Variants in PKNOX2 observed in about 807,000 individuals in gnomAD.
PKNOX2 encodes PBX/knotted 1 homeobox 2, also known as homeobox protein PKNOX2.
Under a neutral mutation model 53.1 loss-of-function variants are expected in PKNOX2, and 14 were observed. That is an observed-to-expected ratio of 0.26 (90% CI 0.17 to 0.41). The LOEUF (loss-of-function observed/expected upper bound fraction) is 0.41. Among genes scored for constraint, PKNOX2 ranks in the 10% least tolerant of loss-of-function variants. The pLI, the probability that PKNOX2 is intolerant of heterozygous loss-of-function variation, is 1.00. For synonymous variants in PKNOX2, 257 were observed against 242.8 expected (o/e 1.06, Z -0.54); for missense variants, 496 against 602.8 (o/e 0.82, Z 1.85).
At chr11:125,358,496 G>C (rs988479478) in intron 4 of PKNOX2, among the ~76,000 whole-genome samples, 3 of 152,218 alleles carry the variant, frequency 2.0e-5, no homozygotes, top group Non-Finnish European at 4.4e-5. Context: ...GGCAGTGAAT[G>C]TTCCATGAGT....
chr11:125,318,862 A>G (rs1949360784), intron 2 of PKNOX2, among the ~76,000 whole-genome samples: 1 of 152,164 alleles, frequency 6.6e-6, no homozygotes. Flanking sequence ...CTGATGGTTT[A>G]TAAGTGTCTG....
chr11:125,318,476 A>C (rs565828952), intron 2 of PKNOX2, among the ~76,000 whole-genome samples: 1 of 152,022 alleles, frequency 6.6e-6, no homozygotes, highest in Non-Finnish European at 1.5e-5. Context: ...AATTGAAGAG[A>C]GTTATGGCCT....
chr11:125,222,629 G>GTGTGTATGTGTGTGTGTGCA (rs1941279108), intron 1 of PKNOX2, among the ~76,000 whole-genome samples: 3 of 149,568 alleles, frequency 2.0e-5, no homozygotes, highest in African/African-American at 7.4e-5. Context: ...GTGTATGTGT[G>GTGTGTATGTGTGTGTGTGCA]TGTGTATGTG....
chr11:125,291,972 G>C (rs543357159), intron 2 of PKNOX2, among the ~76,000 whole-genome samples: 3 of 152,264 alleles, frequency 2.0e-5, no homozygotes, highest in Admixed American at 1.3e-4. Context: ...TGATGGAAAA[G>C]TTTTGAGAAG....
rs968611064 is a variant in PKNOX2, at chr11:125,385,314, C to T, written c.228-237C>T. 5.3e-5 allele frequency among the ~76,000 whole-genome samples: 8 copies of T among 152,194 alleles called. No homozygotes were observed. The East Asian group carries it at 5.8e-4, about 11-fold the overall frequency. On this transcript the variant is annotated intron_variant, in intron 5 of 12. Transcript: ENST00000298282. ...TATCTGACCAAAGAGAAAAGGTAGG[C>T]GACCAGTGGGTAGGGACAGAAGCCT...
At chr11:125,287,547 C>T (rs865943471) in intron 2 of PKNOX2, among the ~76,000 whole-genome samples, 10 of 152,176 alleles carry the variant, frequency 6.6e-5, no homozygotes, top group Non-Finnish European at 1.3e-4. Context: ...TTTCCTCTTC[C>T]GTCTTTAGCT....
chr11:125,205,725 A>G (rs1047903583), intron 1 of PKNOX2, among the ~76,000 whole-genome samples: 2 of 152,006 alleles, frequency 1.3e-5, no homozygotes, highest in Non-Finnish European at 2.9e-5. Flanking sequence ...ACTTCCCCAG[A>G]CTGTGTTAAA....
intron 2 of PKNOX2, among the ~76,000 whole-genome samples, chr11:125,252,869 T>C (rs896345433): frequency 1.3e-5 from 2 of 152,170 alleles, no homozygotes; most frequent in Non-Finnish European, 2.9e-5. Context: ...CAGCTGCATC[T>C]GTCGAGTTCT....
chr11:125,387,453 G>GA lies in PKNOX2; in HGVS notation c.399+1732dup, dbSNP rs557790270. Among the ~76,000 whole-genome samples the GA allele has an allele frequency of 2.0e-3, 302 of 152,244 alleles. 1 individual carries two copies. Among genetic ancestry groups the GA allele is most frequent in the African/African-American group, 6.9e-3 (286 of 41,550 alleles). On this transcript the variant is annotated intron_variant, in intron 6 of 12. Coordinates refer to ENST00000298282, the MANE Select transcript of PKNOX2 (RefSeq NM_001382323.2). ...ACCACCACCTGCCAGGTGAGCTCTG[G>GA]AGACCCACCAAGAACGGCCTCCCAT...
In PKNOX2 at chr11:125,166,283, C is replaced by A. The variant is rs1383655088; in HGVS notation, c.-201+1507C>A. Among the ~76,000 whole-genome samples the A allele has an allele frequency of 2.0e-5, 3 of 152,080 alleles. No individual in the cohort carries two copies. The East Asian group carries it at 5.8e-4, about 29-fold the overall frequency. ...GGGTAGCACGAGGGGTCCTGCAGCTCCGCGTGTGAAAAAGCGTTTAGGTAG... is the reference window on the plus strand; with the variant it reads ...GGGTAGCACGAGGGGTCCTGCAGCTACGCGTGTGAAAAAGCGTTTAGGTAG... On this transcript the variant is annotated intron_variant, in intron 1 of 12. Coordinates refer to ENST00000298282, the MANE Select transcript of PKNOX2 (RefSeq NM_001382323.2). The surrounding 1 kb of genome is among the most constrained non-coding windows in gnomAD (Gnocchi z 4.0).
At chr11:125,284,065 T>C (rs2135867256) in intron 2 of PKNOX2, among the ~76,000 whole-genome samples, 1 of 152,296 alleles carries the variant, frequency 6.6e-6, no homozygotes, top group African/African-American at 2.4e-5. Context: ...CTCTCTAGCC[T>C]TGGTCTCTCC....
At chr11:125,250,618 AT>A (rs1943926376) in intron 2 of PKNOX2, among the ~76,000 whole-genome samples, 1 of 152,184 alleles carries the variant, frequency 6.6e-6, no homozygotes, top group African/African-American at 2.4e-5. Context: ...GTCAGGAATG[AT>A]TTTTATATCG....
At chr11:125,294,085 A>T (rs1472852205) in intron 2 of PKNOX2, among the ~76,000 whole-genome samples, 1 of 152,244 alleles carries the variant, frequency 6.6e-6, no homozygotes, top group African/African-American at 2.4e-5. Flanking sequence ...TACTCAAATA[A>T]CAAAACTTCC....
intron 2 of PKNOX2, among the ~76,000 whole-genome samples, chr11:125,243,649 G>A (rs1943335613): frequency 6.7e-6 from 1 of 150,074 alleles, no homozygotes; most frequent in Non-Finnish European, 1.5e-5. Flanking sequence ...TTGAGATAGG[G>A]TCTCGCTCTG....
At chr11:125,212,917 G>A (rs746212324) in intron 1 of PKNOX2, among the ~76,000 whole-genome samples, 3 of 151,954 alleles carry the variant, frequency 2.0e-5, no homozygotes, top group African/African-American at 4.8e-5. Flanking sequence ...AGACTTCAAC[G>A]GGTTCCATGT....
chr11:125,218,236 G>T (rs1940751474), intron 1 of PKNOX2, among the ~76,000 whole-genome samples: 1 of 152,106 alleles, frequency 6.6e-6, no homozygotes, highest in African/African-American at 2.4e-5. Flanking sequence ...ACCACCTCAC[G>T]CTGGCCCCCG....
intron 2 of PKNOX2, among the ~76,000 whole-genome samples, chr11:125,292,528 G>A (rs2135915799): frequency 6.6e-6 from 1 of 152,262 alleles, no homozygotes; most frequent in East Asian, 1.9e-4. Context: ...TCTGGGTTCT[G>A]GGGGCACTGC....
intron 1 of PKNOX2, among the ~76,000 whole-genome samples, chr11:125,200,496 C>G (rs634554): frequency 6.6e-6 from 1 of 152,008 alleles, no homozygotes; most frequent in Non-Finnish European, 1.5e-5. Flanking sequence ...TAAGGTGTGA[C>G]TCTTGGCCCA....
intron 2 of PKNOX2, among the ~76,000 whole-genome samples, chr11:125,256,827 AG>A (rs762217374): frequency 7.9e-5 from 12 of 152,332 alleles, no homozygotes; most frequent in Admixed American, 2.6e-4. Context: ...CTCCAGGAGC[AG>A]GGGAGAGAGA....
Sources: allele counts gnomAD v4.1 joint callset (sites outside exome capture counted in the v4.1 genomes callset), GRCh38; gene constraint gnomAD v4.1.1; non-coding constraint Gnocchi (gnomAD v3.1); transcripts MANE v1.5; gene names NCBI Gene and HGNC (gene_info 2026-07-23, HGNC 2026-07-21).